Variants in IL17RA observed in about 807,000 individuals in gnomAD.
IL17RA encodes the protein interleukin 17 receptor A, also known as interleukin-17 receptor A.
Under a neutral mutation model 50.4 loss-of-function variants are expected in IL17RA, and 34 were observed. The observed-to-expected ratio is 0.67, with a 90% CI of 0.51 to 0.90. The LOEUF (loss-of-function observed/expected upper bound fraction) is 0.90. Among genes scored for constraint, IL17RA ranks in the 40% least tolerant of loss-of-function variants. The probability of loss-of-function intolerance (pLI) is 0.00; values close to 1 mark genes in which losing one functional copy is unlikely to be tolerated. For missense variants in IL17RA, 1,276 were observed against 1,169.8 expected (o/e 1.09, Z -1.32); for synonymous variants, 585 against 510.4 (o/e 1.15, Z -1.97).
intron 6 of IL17RA, 34 bp from the exon 7 acceptor site, chr22:17,102,105 C>T (rs1189986515): frequency 1.2e-6 from 2 of 1,614,170 alleles, no homozygotes; most frequent in Middle Eastern, 3.3e-4. Flanking sequence ...GCGTGCCCCT[C>T]CTCACTCCCA....
chr22:17,094,691 C>CTATATATATATATATATATATA (rs1188416715), intron 1 of IL17RA, among the ~76,000 whole-genome samples: 8 of 24,698 alleles, frequency 3.2e-4, no homozygotes, highest in South Asian at 1.8e-3. Flanking sequence ...CTCTCTCTCT[C>CTATATATATATATATATATATA]TATATATATA....
rs556640863 is a variant in IL17RA at position 17,115,300 on chromosome 22, T to A, written c.*5480T>A. 2.6e-5 allele frequency: 4 copies of A among 152,378 alleles called. No homozygotes were observed. The highest frequency in any genetic ancestry group is 4.1e-4 in the South Asian group (2 of 4,830). 9.4% of individuals were successfully genotyped at this position (152,378 alleles called of 1,614,324 possible). A position where few individuals can be genotyped will look rare whatever the true frequency, so the allele number is the denominator to read the frequency against. On this transcript the variant is annotated 3_prime_UTR_variant, in exon 13 of 13. Coordinates refer to ENST00000319363, the MANE Select transcript of IL17RA (RefSeq NM_014339.7). ...TTTTGTTCCTTGTTACAATTATATA[T>A]GTCTTAGGGGAAAGGACCATTTCAC...
intron 1 of IL17RA, among the ~76,000 whole-genome samples, chr22:17,087,246 C>G (rs373713334): frequency 6.4e-4 from 97 of 152,320 alleles, no homozygotes; most frequent in African/African-American, 2.2e-3. Context: ...CAGAGGTGGC[C>G]AGAGGACCTG....
rs780702228 is a variant in IL17RA at position 17,104,838 on chromosome 22, A to T, written c.931+28A>T. ...AGGGGACATGCGGCTGTCCTAGGCC[A>T]TACTGGGAGAACAAGTGGCTGAAGG... On this transcript the variant is annotated intron_variant, in intron 9 of 12. Coordinates refer to ENST00000319363, the MANE Select transcript of IL17RA (RefSeq NM_014339.7). 7 of 1,608,152 alleles carry T rather than the reference A, an allele frequency of 4.4e-6. No homozygotes were observed. In the East Asian group the frequency reaches 1.6e-4, roughly 36 times the overall value.
At chr22:17,100,588 T>A in intron 5 of IL17RA, 107 bp downstream of exon 5, 4 of 1,421,848 alleles carry the variant, frequency 2.8e-6, no homozygotes, top group East Asian at 2.3e-5. Flanking sequence ...TTGGCTGGCA[T>A]TGCCAGCACC....
At position 17,112,993 on chromosome 22, in the gene IL17RA, T is replaced by C. The variant is rs2061450147; in HGVS notation, c.*3173T>C. 7.9e-6 allele frequency: 1 copy of C among 126,480 alleles called. No individual in the cohort carries two copies. The allele number at this position is 126,480 out of a possible 1,614,324, so 7.8% of individuals were successfully genotyped here. A position where few individuals can be genotyped will look rare whatever the true frequency, so the allele number is the denominator to read the frequency against. ...CTGCCTACTATCTTGATCCTAGTTT[T>C]TTTTTTGTTTTTTTTTTTTTTAAGG... On this transcript the variant is annotated 3_prime_UTR_variant, in exon 13 of 13. Coordinates refer to ENST00000319363, the MANE Select transcript of IL17RA (RefSeq NM_014339.7).
chr22:17,107,601 G>A (rs534153522), intron 11 of IL17RA, 126 bp from the exon 12 acceptor site: 95 of 806,002 alleles, frequency 1.2e-4, no homozygotes, highest in East Asian at 9.7e-4. Context: ...GCACGGCCTC[G>A]CTGCTCAGTC....
In IL17RA at chr22:17,103,457, C is replaced by T. The variant is rs765438533; in HGVS notation, c.763-37C>T. 94 of 1,580,798 alleles carry T rather than the reference C, an allele frequency of 5.9e-5. 1 individual carries two copies. The South Asian group carries it at 7.1e-4, about 12-fold the overall frequency. On this transcript the variant is annotated intron_variant, in intron 7 of 12. Coordinates refer to ENST00000319363, the MANE Select transcript of IL17RA (RefSeq NM_014339.7). ...TTCTTACCCAACTAGCCTTACCCAT[C>T]CCAACTAGCCTTACCCATCCTCGCC...
At position 17,094,669 on chromosome 22, in the gene IL17RA, C is replaced by CTATATATA. The variant is rs2061360235; in HGVS notation, c.139-2392_139-2391insATATATAT. Among the ~76,000 whole-genome samples the CTATATATA allele has an allele frequency of 2.6e-3, 62 of 24,220 alleles. 5 individuals are homozygous for CTATATATA. Among genetic ancestry groups the CTATATATA allele is most frequent in the Non-Finnish European group, 5.2e-3 (54 of 10,448 alleles). 15.9% of individuals were successfully genotyped at this position (24,220 alleles called of 152,430 possible). Reference sequence around the variant, plus strand: ...AGTCATACACACACTCTCTCTCTCTCTCTCTCTCTCTCTCTCTCTCTCTAT... The same window carrying CTATATATA: ...AGTCATACACACACTCTCTCTCTCTCTATATATATCTCTCTCTCTCTCTCTCTCTCTAT... On this transcript the variant is annotated intron_variant, in intron 1 of 12. Transcript: ENST00000319363.
rs750166916 is a variant in IL17RA, at chr22:17,109,682, A to C, written c.2463A>C (p.Pro821=). Residue 821 remains proline, a synonymous_variant, in exon 13 of 13, where the codon CCA becomes CCC. Transcript: ENST00000319363. ...MEEEEEEEQD[P]GKPALPLSPE... ...AAGAGGAGGAAGAGGAGCAGGACCC[A>C]GGGAAGCCGGCCCTGCCACTCTCTC... 35 of 1,588,168 alleles carry C rather than the reference A, an allele frequency of 2.2e-5. No individual in the cohort carries two copies. The highest frequency in any genetic ancestry group is 3.0e-5 in the Non-Finnish European group (35 of 1,168,730).
rs1434161027 is a variant in IL17RA at position 17,085,202 on chromosome 22, C to A, written c.111C>A (p.Asp37Glu). Residue 37 changes from aspartate to glutamate, a missense_variant, in exon 1 of 13, where the codon GAC (aspartate) becomes GAA (glutamate). Coordinates refer to ENST00000319363, the MANE Select transcript of IL17RA (RefSeq NM_014339.7). ...APGGASLRLL[D>E]HRALVCSQPG... ...GTGGCGCCTCCCTGCGACTCCTGGA[C>A]CACCGGGCGCTGGTCTGCTCCCAGC... 5.9e-6 allele frequency: 9 copies of A among 1,532,118 alleles called. No homozygotes were observed. The South Asian group carries it at 1.1e-4, about 19-fold the overall frequency. 94.9% of individuals were successfully genotyped at this position (1,532,118 alleles called of 1,614,324 possible).
In IL17RA at chr22:17,108,984, A is replaced by G. The variant is rs1480563206; in HGVS notation, c.1765A>G (p.Asn589Asp). ...CTGTCCCGACTGGTTCGAATGTGAG[A>G]ACCTCTACTCAGCAGATGACCAGGA... Reference protein sequence around the residue: ...VRCPDWFECENLYSADDQDAP... With the variant: ...VRCPDWFECEDLYSADDQDAP... The change falls in exon 13 of 13, where the codon AAC (asparagine) becomes GAC (aspartate). Residue 589 changes from asparagine (N) to aspartate (D), a missense_variant. Coordinates refer to ENST00000319363, the MANE Select transcript of IL17RA (RefSeq NM_014339.7). The G allele has an allele frequency of 6.2e-7, 1 of 1,603,920 alleles. No homozygotes were observed. Among genetic ancestry groups the G allele is most frequent in the East Asian group, 2.2e-5 (1 of 44,788 alleles).
intron 2 of IL17RA, chr22:17,097,586 A>G (rs1425837853): frequency 1.7e-6 from 1 of 606,018 alleles, no homozygotes; most frequent in African/African-American, 1.9e-5. Flanking sequence ...CTCTCCTAAA[A>G]TTCCCTTTAG....
Position 17,085,063 on chromosome 22 carries a change from G to C in IL17RA, c.-29G>C. 7.7e-7 allele frequency: 1 copy of C among 1,295,610 alleles called. No individual in the cohort carries two copies. 80.3% of individuals were successfully genotyped at this position (1,295,610 alleles called of 1,614,324 possible). ...TTCGTTCGCTGCGTCCCCAGCCGGG[G>C]CCGAGCCCTCCGCGACGCCAGCCGG... On this transcript the variant is annotated 5_prime_UTR_variant, in exon 1 of 13. Coordinates refer to ENST00000319363, the MANE Select transcript of IL17RA (RefSeq NM_014339.7).
At chr22:17,101,786 G>A (rs2061392335) in intron 5 of IL17RA, among the ~76,000 whole-genome samples, 1 of 152,230 alleles carries the variant, frequency 6.6e-6, no homozygotes, top group South Asian at 2.1e-4. Context: ...GAATGCACTT[G>A]CATCAGGAGG....
chr22:17,105,390 A>C (rs939098045), intron 9 of IL17RA, among the ~76,000 whole-genome samples: 3 of 152,160 alleles, frequency 2.0e-5, no homozygotes, highest in Non-Finnish European at 2.9e-5. Context: ...CAGCCTCCCA[A>C]GGAGGAGGCA....
rs768445401 is a variant in IL17RA at position 17,105,899 on chromosome 22, C to T, written c.990C>T (p.Ile330=). 2 of 1,614,218 alleles carry T rather than the reference C, an allele frequency of 1.2e-6. No individual in the cohort carries two copies. The highest frequency in any genetic ancestry group is 3.3e-5 in the Admixed American group (2 of 60,002). Residue 330 remains isoleucine, a synonymous_variant, in exon 11 of 13, where the codon ATC becomes ATT. Coordinates refer to ENST00000319363, the MANE Select transcript of IL17RA (RefSeq NM_014339.7). ...WVYWFITGIS[I]LLVGSVILLI... is the part of the protein sequence containing the mutation. ...ACTGGTTCATCACGGGCATCTCCAT[C>T]CTGCTGGTGGGCTCCGTCATCCTGC...
chr22:17,085,341 C>A, intron 1 of IL17RA, 112 bp downstream of exon 1: 1 of 1,486,858 alleles, frequency 6.7e-7, no homozygotes, highest in South Asian at 1.3e-5. Flanking sequence ...GCAGGAAGTC[C>A]GCGCCGCGGG....
rs1274690062 is a variant in IL17RA at position 17,085,018 on chromosome 22, G to A, written c.-74G>A. On this transcript the variant is annotated 5_prime_UTR_variant, in exon 1 of 13. Coordinates refer to ENST00000319363, the MANE Select transcript of IL17RA (RefSeq NM_014339.7). ...TGGAGCCGACTCGAACTCCACCGCG[G>A]AAAAGAAAGCCTCAGAACGTTCGTT... The A allele has an allele frequency of 4.7e-6, 6 of 1,272,550 alleles. No homozygotes were observed. The highest frequency in any genetic ancestry group is 5.0e-6 in the Non-Finnish European group (5 of 1,007,360). 78.8% of individuals were successfully genotyped at this position (1,272,550 alleles called of 1,614,324 possible). A position where few individuals can be genotyped will look rare whatever the true frequency, so the allele number is the denominator to read the frequency against.
Sources: allele counts gnomAD v4.1 joint callset (sites outside exome capture counted in the v4.1 genomes callset), GRCh38; gene constraint gnomAD v4.1.1; transcripts MANE v1.5; gene names NCBI Gene and HGNC (gene_info 2026-07-23, HGNC 2026-07-21).